Variants in PTTG1IP2 observed in about 807,000 individuals in gnomAD.
PTTG1IP2 encodes the protein PTTG1IP family member 2.
chr7:90,471,449 T>G (rs1797686644), intron 1 of PTTG1IP2, among the ~76,000 whole-genome samples: 1 of 152,224 alleles, frequency 6.6e-6, no homozygotes, highest in African/African-American at 2.4e-5. Flanking sequence ...CAAGAAATTA[T>G]AGAAAGCACT....
At chr7:90,470,981 GA>G (rs1797678882) in intron 1 of PTTG1IP2, among the ~76,000 whole-genome samples, 1 of 134,880 alleles carries the variant, frequency 7.4e-6, no homozygotes. Context: ...AAAAAAAAAA[GA>G]AAAAAGAAAG....
intron 6 of PTTG1IP2, among the ~76,000 whole-genome samples, chr7:90,510,419 AT>A (rs1798174814): frequency 6.6e-6 from 1 of 152,258 alleles, no homozygotes; most frequent in African/African-American, 2.4e-5. Context: ...ATGAAAAAAA[AT>A]GATATGCCTT....
At chr7:90,498,741 A>T (rs769873352) in intron 6 of PTTG1IP2, among the ~76,000 whole-genome samples, 7 of 152,192 alleles carry the variant, frequency 4.6e-5, no homozygotes, top group Non-Finnish European at 7.3e-5. Context: ...GTTTCCTAAT[A>T]CCATAATGTT....
chr7:90,470,856 CA>C (rs1293017530), intron 1 of PTTG1IP2, among the ~76,000 whole-genome samples: 9 of 151,132 alleles, frequency 6.0e-5, no homozygotes, highest in African/African-American at 2.2e-4. Flanking sequence ...CACCTGAAAG[CA>C]TAGGCCCAAA....
intron 2 of PTTG1IP2, among the ~76,000 whole-genome samples, chr7:90,483,309 C>T (rs1014140367): frequency 6.6e-6 from 1 of 152,168 alleles, no homozygotes; most frequent in Admixed American, 6.5e-5. Context: ...TCATTTTTCA[C>T]CTGAACCAAT....
intron 6 of PTTG1IP2, among the ~76,000 whole-genome samples, chr7:90,498,846 T>A (rs1018955107): frequency 5.3e-5 from 8 of 152,318 alleles, no homozygotes; most frequent in East Asian, 1.9e-4. Context: ...CTTTTAAAAA[T>A]TTTTTTTTAA....
chr7:90,475,298 A>T (rs1307365636), intron 1 of PTTG1IP2, among the ~76,000 whole-genome samples: 1 of 152,194 alleles, frequency 6.6e-6, no homozygotes, highest in African/African-American at 2.4e-5. Context: ...GTGCAGGGTC[A>T]GAGGATAATT....
At chr7:90,506,078 T>A (rs1353985358) in intron 6 of PTTG1IP2, among the ~76,000 whole-genome samples, 1 of 150,920 alleles carries the variant, frequency 6.6e-6, no homozygotes, top group Admixed American at 6.6e-5. Flanking sequence ...TAAATGGTAA[T>A]TACACACTTA....
chr7:90,506,979 A>G (rs1422319260), intron 6 of PTTG1IP2, among the ~76,000 whole-genome samples: 2 of 152,206 alleles, frequency 1.3e-5, no homozygotes. Flanking sequence ...GAAATTAACA[A>G]TGACCAGTAC....
In PTTG1IP2 at chr7:90,469,738, T is replaced by C. The variant is rs904956240; in HGVS notation, c.-49T>C. 2.0e-5 allele frequency: 3 copies of C among 152,738 alleles called. No individual in the cohort carries two copies. The highest frequency in any genetic ancestry group is 7.2e-5 in the African/African-American group (3 of 41,472). 9.5% of individuals were successfully genotyped at this position (152,738 alleles called of 1,614,324 possible). A position where few individuals can be genotyped will look rare whatever the true frequency, so the allele number is the denominator to read the frequency against. On this transcript the variant is annotated 5_prime_UTR_variant, in exon 1 of 7. Transcript: ENST00000509356. ...GGGTCTCAGTGTCCAACACTGTAGC[T>C]GGTGCCTGCCAGGTTCCCAGTGGCT...
chr7:90,473,078 C>T (rs1208571801), intron 1 of PTTG1IP2, among the ~76,000 whole-genome samples: 3 of 152,150 alleles, frequency 2.0e-5, no homozygotes, highest in Admixed American at 2.0e-4. Flanking sequence ...TAACATGAAG[C>T]TAACATGGCT....
intron 6 of PTTG1IP2, among the ~76,000 whole-genome samples, chr7:90,500,258 A>G (rs1798047497): frequency 6.6e-6 from 1 of 152,148 alleles, no homozygotes; most frequent in African/African-American, 2.4e-5. Flanking sequence ...ATAATCCAAA[A>G]CTACCTTCTA....
chr7:90,506,097 T>C (rs181446394), intron 6 of PTTG1IP2, among the ~76,000 whole-genome samples: 8 of 151,640 alleles, frequency 5.3e-5, no homozygotes, highest in Admixed American at 2.0e-4. Context: ...TACAATGCAC[T>C]GCAAGTATCT....
In PTTG1IP2 at chr7:90,505,908, C is replaced by T. The variant is rs200574895; in HGVS notation, c.*51-7370C>T. ...CTGAGGCAGGAGAATGGCTTGAACC[C>T]GGGAGGCGAAGCTTGCAGTGAGCCG... On this transcript the variant is annotated intron_variant, in intron 6 of 6. Transcript: ENST00000509356. 5.3e-5 allele frequency among the ~76,000 whole-genome samples: 8 copies of T among 149,840 alleles called. No individual in the cohort carries two copies. In the East Asian group the frequency reaches 1.4e-3, roughly 26 times the overall value.
At chr7:90,479,194 G>T (rs1275191776) in intron 1 of PTTG1IP2, 34 bp from the exon 2 acceptor site, 1 of 152,558 alleles carries the variant, frequency 6.6e-6, no homozygotes, top group Non-Finnish European at 1.5e-5. Context: ...AAAGGATTTG[G>T]ATTAATTTTG....
At chr7:90,506,874 C>A (rs1307376117) in intron 6 of PTTG1IP2, among the ~76,000 whole-genome samples, 4 of 152,058 alleles carry the variant, frequency 2.6e-5, no homozygotes, top group African/African-American at 9.7e-5. Flanking sequence ...GTTCAAGATT[C>A]ATTTTGGTAT....
At chr7:90,475,933 C>G (rs566112656) in intron 1 of PTTG1IP2, among the ~76,000 whole-genome samples, 1 of 128,172 alleles carries the variant, frequency 7.8e-6, no homozygotes, top group African/African-American at 2.7e-5. Context: ...GAATGAGACT[C>G]TGTCTCAAAA....
intron 6 of PTTG1IP2, among the ~76,000 whole-genome samples, chr7:90,504,060 T>C (rs989735581): frequency 6.6e-6 from 1 of 152,192 alleles, no homozygotes; most frequent in Non-Finnish European, 1.5e-5. Flanking sequence ...CTCAAACCTG[T>C]AATCCCAGCA....
At chr7:90,508,891 G>A (rs17866995) in intron 6 of PTTG1IP2, among the ~76,000 whole-genome samples, 7,393 of 152,180 alleles carry the variant, frequency 0.049, 438 homozygotes, top group East Asian at 0.16. Context: ...GCCTTGTGCC[G>A]GGACCCTCAG....
Sources: gnomAD v4.1 joint callset for allele counts (sites outside exome capture counted in the v4.1 genomes callset) on GRCh38, gnomAD v4.1.1 for gene constraint, MANE v1.5 for transcripts, NCBI Gene and HGNC (gene_info 2026-07-23, HGNC 2026-07-21) for gene names.